Variants in MAPK11 observed in about 807,000 individuals in gnomAD.
MAPK11 encodes the protein mitogen-activated protein kinase 11, also known as MAP kinase 11.
Under a neutral mutation model 52.2 loss-of-function variants are expected in MAPK11, and 44 were observed. The observed-to-expected ratio is 0.84, with a 90% CI of 0.66 to 1.08. MAPK11 has a LOEUF of 1.08. Ranked by LOEUF, MAPK11 falls within the 50% of genes least tolerant of loss-of-function variation. The pLI, the probability that MAPK11 is intolerant of heterozygous loss-of-function variation, is 0.00. For synonymous variants in MAPK11, 233 were observed against 206.3 expected (o/e 1.13, Z -1.11); for missense variants, 436 against 494.7 (o/e 0.88, Z 1.13).
rs764262703 is a variant in MAPK11 at position 50,267,811 on chromosome 22, C to T, written c.246+9G>A. On this transcript the variant is annotated intron_variant, in intron 2 of 11. Coordinates refer to ENST00000330651, the MANE Select transcript of MAPK11 (RefSeq NM_002751.7). ...CGCGCCCTCCCCCCACGGCCCTCCC[C>T]CGGCTCACGTTCTCGTGCTTCAGGT... is the stretch of plus-strand genomic sequence containing the variant. 1 of 1,535,164 alleles carries T rather than the reference C, an allele frequency of 6.5e-7. No homozygotes were observed. Among genetic ancestry groups the T allele is most frequent in the East Asian group, 2.6e-5 (1 of 38,216 alleles).
At position 50,266,306 on chromosome 22, in the gene MAPK11, C is replaced by A; in HGVS notation, c.683-1G>T. On this transcript the variant is annotated splice_acceptor_variant, in intron 8 of 11. Transcript: ENST00000330651. LOFTEE classifies it high-confidence loss of function. Reference sequence around the variant, plus strand: ...ATGATGCGCTTCAGCTGGTCAATGTCTGTGTCACTCAGGAAACACCCACGG... The same window carrying A: ...ATGATGCGCTTCAGCTGGTCAATGTATGTGTCACTCAGGAAACACCCACGG... 6.2e-7 allele frequency: 1 copy of A among 1,605,512 alleles called. No homozygotes were observed. Among genetic ancestry groups the A allele is most frequent in the Non-Finnish European group, 8.5e-7 (1 of 1,176,086 alleles).
rs761258078 is a variant in MAPK11, at chr22:50,267,364, G to A, written c.417+7C>T. ...CGAGAGGACCCGCGAAGCCCAGGGC[G>A]CCCCACCTTCAGCCCGCGCAGCAGC... On this transcript the variant is annotated splice_region_variant and intron_variant, in intron 4 of 11. Coordinates refer to ENST00000330651, the MANE Select transcript of MAPK11 (RefSeq NM_002751.7). 3.7e-6 allele frequency: 6 copies of A among 1,603,650 alleles called. No individual in the cohort carries two copies. Among genetic ancestry groups the A allele is most frequent in the African/African-American group, 1.3e-5 (1 of 74,724 alleles).
chr22:50,263,726 C>T lies in MAPK11; in HGVS notation c.*1222G>A, dbSNP rs1301017366. On this transcript the variant is annotated 3_prime_UTR_variant, in exon 12 of 12. Coordinates refer to ENST00000330651, the MANE Select transcript of MAPK11 (RefSeq NM_002751.7). ...ATACAAGCCAAGTGAGAGAGAACCC[C>T]CTTTATTGTGCACCCCTGGTGCAGG... 1 of 152,164 alleles carries T rather than the reference C, an allele frequency of 6.6e-6. No individual in the cohort carries two copies. The allele number at this position is 152,164 out of a possible 1,614,324, so 9.4% of individuals were successfully genotyped here. A position where few individuals can be genotyped will look rare whatever the true frequency, so the allele number is the denominator to read the frequency against.
intron 7 of MAPK11, 143 bp from the exon 8 acceptor site, chr22:50,266,754 G>T: frequency 1.0e-6 from 1 of 976,672 alleles, no homozygotes; most frequent in Non-Finnish European, 1.6e-6. Context: ...GAGGTCCATA[G>T]CTGCACAGCC....
chr22:50,267,610 G>A lies in MAPK11; in HGVS notation c.264C>T (p.Asp88=). The A allele has an allele frequency of 6.5e-7, 1 of 1,542,638 alleles. No homozygotes were observed. The highest frequency in any genetic ancestry group is 8.7e-7 in the Non-Finnish European group (1 of 1,144,764). Residue 88 remains aspartate (D), a synonymous_variant, in exon 3 of 12, where the codon GAC becomes GAT. Coordinates refer to ENST00000330651, the MANE Select transcript of MAPK11 (RefSeq NM_002751.7). ...CGATGGACGTGGCCGGCGTGAAGAC[G>A]TCCAGAAGCCCGATGACCTAGGTGG... The part of the protein sequence containing the change: ...LKHENVIGLL[D]VFTPATSIED...
intron 11 of MAPK11, 92 bp downstream of exon 11, chr22:50,265,229 A>AT: frequency 6.6e-7 from 1 of 1,525,958 alleles, no homozygotes. Context: ...TCCACACCTG[A>AT]CCAGTCTGGA....
In MAPK11 at chr22:50,267,313, C is replaced by A. The variant is rs34151904; in HGVS notation, c.418-27G>T. On this transcript the variant is annotated intron_variant, in intron 4 of 11. Coordinates refer to ENST00000330651, the MANE Select transcript of MAPK11 (RefSeq NM_002751.7). ...TGCGGGAGGGGGATTGTGGTGAGCG[C>A]CGGGCCCGGCCCGCCCGCCCCCCTG... The A allele has an allele frequency of 1.6e-3, 2,519 of 1,590,228 alleles. 6 individuals carry two copies. The highest frequency in any genetic ancestry group is 1.8e-3 in the Non-Finnish European group (2,085 of 1,169,672).
At position 50,267,611 on chromosome 22, in the gene MAPK11, T is replaced by C; in HGVS notation, c.263A>G (p.Asp88Gly). The part of the protein sequence containing the change: ...LKHENVIGLL[D>G]VFTPATSIED... ...GATGGACGTGGCCGGCGTGAAGACGTCCAGAAGCCCGATGACCTAGGTGGC... is the reference window on the plus strand; with the variant it reads ...GATGGACGTGGCCGGCGTGAAGACGCCCAGAAGCCCGATGACCTAGGTGGC... Residue 88 changes from aspartate (D) to glycine (G), a missense_variant, in exon 3 of 12, where the codon GAC becomes GGC. Physicochemically the swap from Asp to Gly is moderately conservative, Grantham distance 94. Transcript: ENST00000330651. 6.5e-7 allele frequency: 1 copy of C among 1,542,212 alleles called. No individual in the cohort carries two copies. Among genetic ancestry groups the C allele is most frequent in the Middle Eastern group, 1.7e-4 (1 of 5,800 alleles).
rs1183204498 is a variant in MAPK11, at chr22:50,266,320, A to C, written c.683-15T>G. On this transcript the variant is annotated splice_polypyrimidine_tract_variant and intron_variant, in intron 8 of 11. Coordinates refer to ENST00000330651, the MANE Select transcript of MAPK11 (RefSeq NM_002751.7). The stretch of plus-strand genomic sequence containing the variant: ...CTGGTCAATGTCTGTGTCACTCAGG[A>C]AACACCCACGGGCCAGCCACAGACC... 2 of 1,600,582 alleles carry C rather than the reference A, an allele frequency of 1.2e-6. No individual in the cohort carries two copies. Among genetic ancestry groups the C allele is most frequent in the Non-Finnish European group, 8.5e-7 (1 of 1,173,512 alleles).
Position 50,266,087 on chromosome 22 carries a change from T to G in MAPK11, c.762+139A>C, listed in dbSNP as rs2065259908. 3 of 676,452 alleles carry G rather than the reference T, an allele frequency of 4.4e-6. No homozygotes were observed. In the East Asian group the frequency reaches 8.3e-5, roughly 19 times the overall value. 41.9% of individuals were successfully genotyped at this position (676,452 alleles called of 1,614,324 possible). A position where few individuals can be genotyped will look rare whatever the true frequency, so the allele number is the denominator to read the frequency against. ...CTTCTCCTGTTTCCCCTGCAGGGAT[T>G]GGGCACCTGCCCTAGGCTCTATCCC... On this transcript the variant is annotated intron_variant, in intron 9 of 11. Transcript: ENST00000330651.
intron 1 of MAPK11, among the ~76,000 whole-genome samples, chr22:50,269,844 AG>A (rs1297554058): frequency 6.6e-6 from 1 of 152,114 alleles, no homozygotes; most frequent in Non-Finnish European, 1.5e-5. Flanking sequence ...TCAGACGTTT[AG>A]GGGCCCGGAC....
chr22:50,265,051 A>G (rs1375779356), intron 11 of MAPK11, 24 bp from the exon 12 acceptor site: 2 of 1,593,242 alleles, frequency 1.3e-6, no homozygotes, highest in Admixed American at 3.4e-5. Flanking sequence ...GGAAAGGGTG[A>G]GCTTGTGCCT....
intron 7 of MAPK11, 140 bp from the exon 8 acceptor site, chr22:50,266,751 A>G (rs35792846): frequency 0.022 from 21,312 of 977,946 alleles, 339 homozygotes; most frequent in Middle Eastern, 0.03. Context: ...GGGGAGGTCC[A>G]TAGCTGCACA....
chr22:50,266,497 G>A (rs758540266), intron 8 of MAPK11, 43 bp downstream of exon 8: 4 of 1,498,676 alleles, frequency 2.7e-6, no homozygotes, highest in Admixed American at 4.5e-5. Context: ...CCCTACAGGA[G>A]GGGCCCTGTT....
rs772572392 is a variant in MAPK11 at position 50,266,920 on chromosome 22, C to T, written c.610+14G>A. The T allele has an allele frequency of 6.2e-7, 1 of 1,604,688 alleles. No individual in the cohort carries two copies. The highest frequency in any genetic ancestry group is 1.3e-5 in the African/African-American group (1 of 75,012). On this transcript the variant is annotated intron_variant, in intron 7 of 11. Transcript: ENST00000330651. ...GCCCTTGGCCTTCGTCCCCCCAAGGCCTTCCCCCTGCACCTGTTTGGTTGT... is the reference window on the plus strand; with the variant it reads ...GCCCTTGGCCTTCGTCCCCCCAAGGTCTTCCCCCTGCACCTGTTTGGTTGT...
intron 4 of MAPK11, 37 bp downstream of exon 4, chr22:50,267,334 C>G (rs1298749065): frequency 2.5e-6 from 4 of 1,592,778 alleles, no homozygotes; most frequent in East Asian, 2.3e-5. Context: ...CCGCCCGCCC[C>G]CCTGCGAGAG....
rs1421757804 is a variant in MAPK11, at chr22:50,266,229, T to C, written c.759A>G (p.Glu253=). The change falls in exon 9 of 12, where the codon GAA becomes GAG. Residue 253 remains glutamate, a synonymous_variant. Coordinates refer to ENST00000330651, the MANE Select transcript of MAPK11 (RefSeq NM_002751.7). ...SPEVLAKISS[E]HARTYIQSLP... is the part of the protein sequence containing the mutation. ...TGGCTGGCGGGCACCAACTCACGTGTTCTGAGGAGATTTTTGCCAGAACCT... is the reference window on the plus strand; with the variant it reads ...TGGCTGGCGGGCACCAACTCACGTGCTCTGAGGAGATTTTTGCCAGAACCT... 3 of 1,589,816 alleles carry C rather than the reference T, an allele frequency of 1.9e-6. No homozygotes were observed. Among genetic ancestry groups the C allele is most frequent in the African/African-American group, 1.3e-5 (1 of 74,510 alleles).
Position 50,270,344 on chromosome 22 carries a change from C to CGCCCGA in MAPK11, c.-58_-53dup, listed in dbSNP as rs1411170616. ...GGCCCAGCCCCGCGCCCCGCGCCCG[C>CGCCCGA]GCCCGAGCCGAGCCCGAGCCGAGCG... On this transcript the variant is annotated 5_prime_UTR_variant, in exon 1 of 12. Coordinates refer to ENST00000330651, the MANE Select transcript of MAPK11 (RefSeq NM_002751.7). This position sits in a 1 kb window ranked among gnomAD's most constrained non-coding sequence, Gnocchi z 6.3. 42 of 761,972 alleles carry CGCCCGA rather than the reference C, an allele frequency of 5.5e-5. No individual in the cohort carries two copies. The highest frequency in any genetic ancestry group is 5.8e-5 in the Non-Finnish European group (35 of 604,272). The allele number at this position is 761,972 out of a possible 1,614,324, so 47.2% of individuals were successfully genotyped here. A position where few individuals can be genotyped will look rare whatever the true frequency, so the allele number is the denominator to read the frequency against.
intron 7 of MAPK11, 53 bp from the exon 8 acceptor site, chr22:50,266,664 C>G (rs535015820): frequency 6.6e-7 from 1 of 1,522,546 alleles, no homozygotes; most frequent in Admixed American, 1.8e-5. Context: ...CGTCCCTCCT[C>G]CAGGAGACCC....
Sources: gnomAD v4.1 joint callset for allele counts (sites outside exome capture counted in the v4.1 genomes callset) on GRCh38, gnomAD v4.1.1 for gene constraint, Gnocchi (gnomAD v3.1) non-coding constraint, MANE v1.5 for transcripts, NCBI Gene and HGNC (gene_info 2026-07-23, HGNC 2026-07-21) for gene names.